Variants in RAPGEF4 observed in about 807,000 individuals in gnomAD.
The protein encoded by RAPGEF4 is Rap guanine nucleotide exchange factor 4, also known as RAP guanine-nucleotide-exchange factor (GEF) 4.
In RAPGEF4, 66 loss-of-function variants were observed where a neutral mutation model predicts 147.9. The ratio of observed to expected loss-of-function variants is 0.45; its 90% confidence interval spans 0.37 to 0.55. The LOEUF (loss-of-function observed/expected upper bound fraction) is 0.55, where lower values mean the gene tolerates loss of function less well. Ranked by LOEUF, RAPGEF4 falls within the 20% of genes least tolerant of loss-of-function variation. The probability of loss-of-function intolerance (pLI) is 0.00; values close to 1 mark genes in which losing one functional copy is unlikely to be tolerated. For missense variants in RAPGEF4, 1,071 were observed against 1,257.3 expected (o/e 0.85, Z 2.24); for synonymous variants, 419 against 442.7 (o/e 0.95, Z 0.67).
chr2:172,847,868 T>C (rs1692375956), intron 4 of RAPGEF4, among the ~76,000 whole-genome samples: 1 of 152,230 alleles, frequency 6.6e-6, no homozygotes, highest in Admixed American at 6.5e-5. Flanking sequence ...TGGTGGTCTT[T>C]CTCATGTTTA....
chr2:173,048,340 A>G, intron 29 of RAPGEF4: 1 of 629,462 alleles, frequency 1.6e-6, no homozygotes, highest in Non-Finnish European at 2.3e-6. Context: ...GATGTTTTTT[A>G]CATCATGGGG....
chr2:172,916,314 A>G (rs1166590959), intron 4 of RAPGEF4, among the ~76,000 whole-genome samples: 5 of 152,184 alleles, frequency 3.3e-5, no homozygotes, highest in South Asian at 4.1e-4. Context: ...AACAGGAAGT[A>G]TTTCTTTTAG....
At chr2:172,775,581 A>G (rs1264820641) in intron 1 of RAPGEF4, among the ~76,000 whole-genome samples, 1 of 152,184 alleles carries the variant, frequency 6.6e-6, no homozygotes, top group Non-Finnish European at 1.5e-5. Flanking sequence ...GCCATTTTCC[A>G]CACTGAAGGG....
At chr2:172,831,251 G>GTTTCAGA (rs748577234) in intron 4 of RAPGEF4, among the ~76,000 whole-genome samples, 10 of 71,496 alleles carry the variant, frequency 1.4e-4, no homozygotes, top group Non-Finnish European at 2.9e-4. Context: ...AAATGTGACT[G>GTTTCAGA]TTTCAGATAG....
intron 5 of RAPGEF4, among the ~76,000 whole-genome samples, chr2:172,920,194 TTAG>T (rs1684593824): frequency 6.6e-6 from 1 of 152,250 alleles, no homozygotes; most frequent in Non-Finnish European, 1.5e-5. Flanking sequence ...AATATATTTC[TTAG>T]TAGTAAATTA....
In RAPGEF4 at chr2:172,842,848, G is replaced by A. The variant is rs1330168204; in HGVS notation, c.444+28423G>A. On this transcript the variant is annotated intron_variant, in intron 4 of 30. Coordinates refer to ENST00000397081, the MANE Select transcript of RAPGEF4 (RefSeq NM_007023.4). Reference sequence around the variant, plus strand: ...GTCACACTGTAGGATGAGCATGTGGGAGGGGAGATACTGTTGTGGCCATTT... The same window carrying A: ...GTCACACTGTAGGATGAGCATGTGGAAGGGGAGATACTGTTGTGGCCATTT... Among the ~76,000 whole-genome samples the A allele has an allele frequency of 2.6e-5, 4 of 152,232 alleles. No individual in the cohort carries two copies. In the East Asian group the frequency reaches 7.7e-4, roughly 29 times the overall value.
intron 4 of RAPGEF4, among the ~76,000 whole-genome samples, chr2:172,877,409 C>T (rs1696085126): frequency 6.6e-6 from 1 of 151,866 alleles, no homozygotes; most frequent in Non-Finnish European, 1.5e-5. Flanking sequence ...GGAGAAATAC[C>T]TCATGTAGAT....
intron 6 of RAPGEF4, 87 bp downstream of exon 6, chr2:172,922,387 T>C: frequency 2.4e-6 from 3 of 1,240,794 alleles, no homozygotes; most frequent in Non-Finnish European, 3.5e-6. Context: ...AAGAGAGCTC[T>C]TGACCCACAT....
intron 4 of RAPGEF4, among the ~76,000 whole-genome samples, chr2:172,892,083 G>GC (rs1491382226): frequency 6.6e-6 from 1 of 152,124 alleles, no homozygotes; most frequent in Middle Eastern, 3.2e-3. Flanking sequence ...TCAGCCCTTT[G>GC]CCCTGTGAAT....
chr2:173,045,355 GAAGA>G (rs1685331289), intron 29 of RAPGEF4, among the ~76,000 whole-genome samples: 1 of 152,202 alleles, frequency 6.6e-6, no homozygotes, highest in African/African-American at 2.4e-5. Context: ...ATCAAGGAAA[GAAGA>G]AAGATCATAA....
chr2:172,918,280 T>A (rs1425139575), intron 5 of RAPGEF4, among the ~76,000 whole-genome samples: 1 of 134,402 alleles, frequency 7.4e-6, no homozygotes, highest in African/African-American at 2.9e-5. Context: ...ACTCTATTGA[T>A]GAAGAGGAGA....
intron 4 of RAPGEF4, among the ~76,000 whole-genome samples, chr2:172,895,642 C>T (rs1219222222): frequency 6.6e-6 from 1 of 152,114 alleles, no homozygotes; most frequent in East Asian, 1.9e-4. Flanking sequence ...TCTGAGACTG[C>T]CAATCTCGAA....
intron 4 of RAPGEF4, among the ~76,000 whole-genome samples, chr2:172,832,065 G>C (rs1014566152): frequency 1.3e-5 from 2 of 152,158 alleles, no homozygotes; most frequent in Non-Finnish European, 1.5e-5. Context: ...ATAAATCAGG[G>C]ACAGTGTTTA....
chr2:172,738,820 A>G (rs1694045357), intron 1 of RAPGEF4, among the ~76,000 whole-genome samples: 1 of 152,202 alleles, frequency 6.6e-6, no homozygotes, highest in Non-Finnish European at 1.5e-5. Flanking sequence ...GGATGGTGAA[A>G]AAAAGAGAAA....
chr2:172,755,999 C>T (rs1433007565), intron 1 of RAPGEF4, among the ~76,000 whole-genome samples: 2 of 152,136 alleles, frequency 1.3e-5, no homozygotes, highest in African/African-American at 2.4e-5. Flanking sequence ...GACTCCCTCT[C>T]GCCAGCACTT....
intron 27 of RAPGEF4, among the ~76,000 whole-genome samples, chr2:173,035,363 T>C (rs1683838447): frequency 6.6e-6 from 1 of 151,728 alleles, no homozygotes; most frequent in Non-Finnish European, 1.5e-5. Context: ...ACAAAAAAAT[T>C]AGCCAGGCCT....
At chr2:172,817,307 C>A (rs1688605894) in intron 4 of RAPGEF4, among the ~76,000 whole-genome samples, 1 of 152,132 alleles carries the variant, frequency 6.6e-6, no homozygotes, top group African/African-American at 2.4e-5. Flanking sequence ...ACTTTAGGTG[C>A]ATGATTTGAA....
Position 172,860,000 on chromosome 2 carries a change from G to T in RAPGEF4, c.444+45575G>T, listed in dbSNP as rs994284747. ...ATTGTTTCATGGAAAACAGGGAGGG[G>T]TGGGGGACAACAACCCTGCTCTGTT... On this transcript the variant is annotated intron_variant, in intron 4 of 30. Transcript: ENST00000397081. 1.8e-5 allele frequency: 18 copies of T among 983,786 alleles called. No homozygotes were observed. In the African/African-American group the frequency reaches 3.0e-4, roughly 16 times the overall value. 60.9% of individuals were successfully genotyped at this position (983,786 alleles called of 1,614,324 possible).
chr2:172,933,965 A>G (rs765605091), intron 6 of RAPGEF4, among the ~76,000 whole-genome samples: 2 of 152,100 alleles, frequency 1.3e-5, no homozygotes, highest in Admixed American at 6.5e-5. Flanking sequence ...GAAACAATTT[A>G]TTCTCTTAAT....
Sources: allele counts gnomAD v4.1 joint callset (sites outside exome capture counted in the v4.1 genomes callset), GRCh38; gene constraint gnomAD v4.1.1; transcripts MANE v1.5; gene names NCBI Gene and HGNC (gene_info 2026-07-23, HGNC 2026-07-21).